CLVS2: variants seen among roughly 807,000 people sequenced by gnomAD.
The protein encoded by CLVS2 is clavesin-2.
In CLVS2, 19 loss-of-function variants were observed where a neutral mutation model predicts 29.0. The observed-to-expected ratio is 0.66, with a 90% CI of 0.46 to 0.96. The LOEUF (loss-of-function observed/expected upper bound fraction) is 0.96, where lower values mean the gene tolerates loss of function less well. Ranked by LOEUF, CLVS2 falls within the 40% of genes least tolerant of loss-of-function variation. The pLI is 0.00. For missense variants in CLVS2, 294 were observed against 404.1 expected (o/e 0.73, Z 2.34); for synonymous variants, 161 against 151.3 (o/e 1.06, Z -0.47).
At chr6:123,030,835 A>ATAT (rs1022965677) in intron 3 of CLVS2, among the ~76,000 whole-genome samples, 2 of 127,612 alleles carry the variant, frequency 1.6e-5, no homozygotes, top group African/African-American at 3.0e-5. Context: ...ATATATATAT[A>ATAT]AAATATATAT....
At chr6:123,004,317 G>A (rs1057370770) in intron 2 of CLVS2, among the ~76,000 whole-genome samples, 12 of 152,112 alleles carry the variant, frequency 7.9e-5, no homozygotes, top group South Asian at 2.1e-4. Context: ...CATTTTGCCC[G>A]CAGATGTTTC....
chr6:123,033,150 T>A (rs1775106853), intron 3 of CLVS2, among the ~76,000 whole-genome samples: 1 of 152,098 alleles, frequency 6.6e-6, no homozygotes, highest in Non-Finnish European at 1.5e-5. Flanking sequence ...AGATGAAAAA[T>A]TAAAATGACA....
At chr6:123,028,412 C>T (rs987434275) in intron 3 of CLVS2, among the ~76,000 whole-genome samples, 3 of 152,186 alleles carry the variant, frequency 2.0e-5, no homozygotes, top group Non-Finnish European at 2.9e-5. Flanking sequence ...GTAATCCCAG[C>T]AGTTTGGGAG....
At chr6:123,019,762 A>C (rs1391774877) in intron 3 of CLVS2, among the ~76,000 whole-genome samples, 1 of 152,102 alleles carries the variant, frequency 6.6e-6, no homozygotes. Context: ...TGGCTTATGC[A>C]GTTATGGAGG....
At chr6:123,005,531 C>G (rs1299429220) in intron 2 of CLVS2, among the ~76,000 whole-genome samples, 1 of 152,120 alleles carries the variant, frequency 6.6e-6, no homozygotes, top group Non-Finnish European at 1.5e-5. Flanking sequence ...CTAGTTTTTT[C>G]TTGTCATGCT....
chr6:123,010,980 G>A lies in CLVS2; in HGVS notation c.390-5G>A, dbSNP rs770879812. ...CCTAATTTAGTACTTTTCTGTCGCC[G>A]ATAGGTACACACTGGTGGATATTTT... On this transcript the variant is annotated splice_polypyrimidine_tract_variant and splice_region_variant and intron_variant, in intron 2 of 5. Transcript: ENST00000275162. 1.2e-5 allele frequency: 18 copies of A among 1,473,396 alleles called. No individual in the cohort carries two copies. The highest frequency in any genetic ancestry group is 1.5e-5 in the Non-Finnish European group (16 of 1,101,700). 91.3% of individuals were successfully genotyped at this position (1,473,396 alleles called of 1,614,324 possible). A position where few individuals can be genotyped will look rare whatever the true frequency, so the allele number is the denominator to read the frequency against.
chr6:123,049,770 AG>A (rs1193144869), intron 4 of CLVS2, among the ~76,000 whole-genome samples: 2 of 133,054 alleles, frequency 1.5e-5, no homozygotes, highest in Admixed American at 8.5e-5. Context: ...GGACACAGGA[AG>A]GGGAATATCA....
At chr6:123,049,598 T>C (rs1434649326) in intron 4 of CLVS2, among the ~76,000 whole-genome samples, 1 of 152,206 alleles carries the variant, frequency 6.6e-6, no homozygotes, top group African/African-American at 2.4e-5. Flanking sequence ...GAGCTATTTT[T>C]ACTTCCTGGT....
At position 122,996,306 on chromosome 6, in the gene CLVS2, G is replaced by C. The variant is rs1774502785; in HGVS notation, c.-1000G>C. Reference sequence around the variant, plus strand: ...GGGCAACCCTGACTCGGACCGCTCGGGAGAGCCCCAGGAGAGGCCAGCGCC... The same window carrying C: ...GGGCAACCCTGACTCGGACCGCTCGCGAGAGCCCCAGGAGAGGCCAGCGCC... On this transcript the variant is annotated 5_prime_UTR_variant, in exon 1 of 6. Coordinates refer to ENST00000275162, the MANE Select transcript of CLVS2 (RefSeq NM_001010852.4). 1 of 153,316 alleles carries C rather than the reference G, an allele frequency of 6.5e-6. No homozygotes were observed. Among genetic ancestry groups the C allele is most frequent in the African/African-American group, 2.4e-5 (1 of 41,400 alleles). The allele number at this position is 153,316 out of a possible 1,614,324, so 9.5% of individuals were successfully genotyped here. A position where few individuals can be genotyped will look rare whatever the true frequency, so the allele number is the denominator to read the frequency against.
chr6:123,058,537 T>C (rs1407583583), intron 5 of CLVS2, among the ~76,000 whole-genome samples: 1 of 152,244 alleles, frequency 6.6e-6, no homozygotes, highest in African/African-American at 2.4e-5. Flanking sequence ...TTAACTGTTC[T>C]TGTTGATTCC....
intron 3 of CLVS2, among the ~76,000 whole-genome samples, chr6:123,038,129 T>C (rs1386301636): frequency 2.6e-5 from 4 of 152,212 alleles, no homozygotes; most frequent in African/African-American, 9.6e-5. Context: ...CTGCCCCTTC[T>C]TCCTGGGACA....
chr6:123,071,036 A>G lies in CLVS2; in HGVS notation c.*7275A>G, dbSNP rs1170835249. On this transcript the variant is annotated 3_prime_UTR_variant, in exon 6 of 6. Transcript: ENST00000275162. ...TCCTTTCCTGCTGTATTTCCTCTCCATAGCATTTATCACCTGATACACCAT... is the reference window on the plus strand; with the variant it reads ...TCCTTTCCTGCTGTATTTCCTCTCCGTAGCATTTATCACCTGATACACCAT... 2 of 151,846 alleles carry G rather than the reference A, an allele frequency of 1.3e-5. No homozygotes were observed. The highest frequency in any genetic ancestry group is 2.9e-5 in the Non-Finnish European group (2 of 67,910). The allele number at this position is 151,846 out of a possible 1,614,324, so 9.4% of individuals were successfully genotyped here.
In CLVS2 at chr6:123,063,881, A is replaced by G. The variant is rs1034711722; in HGVS notation, c.*120A>G. On this transcript the variant is annotated 3_prime_UTR_variant, in exon 6 of 6. Transcript: ENST00000275162. Reference sequence around the variant, plus strand: ...GACTTATTCATGTTAATGTAGCATAATATATAACAAGGCATCAGGCTTTCC... The same window carrying G: ...GACTTATTCATGTTAATGTAGCATAGTATATAACAAGGCATCAGGCTTTCC... 35 of 606,528 alleles carry G rather than the reference A, an allele frequency of 5.8e-5. No individual in the cohort carries two copies. In the South Asian group the frequency reaches 8.0e-4, roughly 14 times the overall value. The allele number at this position is 606,528 out of a possible 1,614,324, so 37.6% of individuals were successfully genotyped here. A position where few individuals can be genotyped will look rare whatever the true frequency, so the allele number is the denominator to read the frequency against.
At chr6:123,033,189 A>T (rs558868287) in intron 3 of CLVS2, among the ~76,000 whole-genome samples, 2 of 152,102 alleles carry the variant, frequency 1.3e-5, no homozygotes, top group African/African-American at 4.8e-5. Context: ...GGGGGTAAGG[A>T]ATTATTTTAT....
At chr6:123,031,907 T>A (rs988756364) in intron 3 of CLVS2, among the ~76,000 whole-genome samples, 4 of 152,132 alleles carry the variant, frequency 2.6e-5, no homozygotes, top group African/African-American at 9.7e-5. Context: ...TCATGAAGAT[T>A]AAATAGAAGA....
intron 5 of CLVS2, among the ~76,000 whole-genome samples, chr6:123,058,639 C>CTTTATT (rs903923070): frequency 4.7e-4 from 72 of 152,036 alleles, no homozygotes; most frequent in Middle Eastern, 3.4e-3. Context: ...CACATCTTGG[C>CTTTATT]TTTATTTTTA....
chr6:123,034,706 C>G (rs1775126486), intron 3 of CLVS2, among the ~76,000 whole-genome samples: 1 of 152,038 alleles, frequency 6.6e-6, no homozygotes, highest in Admixed American at 6.6e-5. Context: ...CATACATGCA[C>G]ACATTCACAA....
chr6:123,058,459 C>T (rs1772726858), intron 5 of CLVS2, among the ~76,000 whole-genome samples: 1 of 152,158 alleles, frequency 6.6e-6, no homozygotes, highest in Admixed American at 6.5e-5. Context: ...CACGTGAGCA[C>T]ATTTTTCTCT....
chr6:123,031,395 C>T (rs1214448034), intron 3 of CLVS2, among the ~76,000 whole-genome samples: 1 of 152,164 alleles, frequency 6.6e-6, no homozygotes, highest in Non-Finnish European at 1.5e-5. Flanking sequence ...TCAAAAGACA[C>T]AAACTTTCAG....
Sources: gnomAD v4.1 joint callset for allele counts (sites outside exome capture counted in the v4.1 genomes callset) on GRCh38, gnomAD v4.1.1 for gene constraint, MANE v1.5 for transcripts, NCBI Gene and HGNC (gene_info 2026-07-23, HGNC 2026-07-21) for gene names.